Variants in KNL1 observed in about 807,000 individuals in gnomAD.
KNL1 encodes the protein kinetochore scaffold 1.
KNL1 carries 66 observed loss-of-function variants against 201.3 expected under a neutral mutation model. The observed-to-expected ratio is 0.33, with a 90% confidence interval of 0.27 to 0.40. The LOEUF is 0.40. Among genes scored for constraint, KNL1 ranks in the 10% least tolerant of loss-of-function variants. The pLI is 1.00. For synonymous variants in KNL1, 895 were observed against 899.2 expected (o/e 1.00, Z 0.08); for missense variants, 2,815 against 2,690.5 (o/e 1.05, Z -1.02).
intron 7 of KNL1, among the ~76,000 whole-genome samples, chr15:40,614,512 C>T (rs544519420): frequency 1.8e-4 from 27 of 152,220 alleles, no homozygotes; most frequent in African/African-American, 5.5e-4. Flanking sequence ...GGATTACAGA[C>T]GTGAGCCACC....
At position 40,623,049 on chromosome 15, in the gene KNL1, G is replaced by T. The variant is rs1410214960; in HGVS notation, c.2785G>T (p.Val929Phe). 2 of 1,613,492 alleles carry T rather than the reference G, an allele frequency of 1.2e-6. No homozygotes were observed. Among genetic ancestry groups the T allele is most frequent in the East Asian group, 4.5e-5 (2 of 44,840 alleles). The change falls in exon 10 of 26, where the codon GTC (valine) becomes TTC (phenylalanine). Residue 929 changes from valine to phenylalanine, a missense_variant. Physicochemically the swap from Val to Phe is conservative, Grantham distance 50. Coordinates refer to ENST00000399668, the MANE Select transcript of KNL1 (RefSeq NM_144508.5). ...CACAACTGCCTTAGAATGTAAAACT[G>T]TCTCACCAGATGAAATAACTACTAG... Reference protein sequence around the residue: ...SHTTALECKTVSPDEITTRPM... With the variant: ...SHTTALECKTFSPDEITTRPM...
intron 2 of KNL1, among the ~76,000 whole-genome samples, chr15:40,604,551 A>G (rs769919844): frequency 8.5e-5 from 13 of 152,168 alleles, no homozygotes; most frequent in Non-Finnish European, 1.9e-4. Context: ...ATTAGTTGCC[A>G]AAATTTTAAA....
intron 21 of KNL1, among the ~76,000 whole-genome samples, chr15:40,652,424 A>G (rs967774482): frequency 1.3e-5 from 2 of 151,186 alleles, no homozygotes; most frequent in Non-Finnish European, 2.9e-5. Flanking sequence ...CGTGATAGAG[A>G]ATAGAGAATT....
At position 40,662,865 on chromosome 15, in the gene KNL1, C is replaced by G. The variant is rs991681454; in HGVS notation, c.*677C>G. On this transcript the variant is annotated 3_prime_UTR_variant, in exon 26 of 26. Transcript: ENST00000399668. ...GTCCCAGCTACTTAGGAGCTTAAGGCAGGAGGATCACTTGAGCCCAGGAGG... is the reference window on the plus strand; with the variant it reads ...GTCCCAGCTACTTAGGAGCTTAAGGGAGGAGGATCACTTGAGCCCAGGAGG... 7 of 176,150 alleles carry G rather than the reference C, an allele frequency of 4.0e-5. No individual in the cohort carries two copies. The Admixed American group carries it at 4.5e-4, about 11-fold the overall frequency. The allele number at this position is 176,150 out of a possible 1,614,324, so 10.9% of individuals were successfully genotyped here. A position where few individuals can be genotyped will look rare whatever the true frequency, so the allele number is the denominator to read the frequency against.
At chr15:40,629,471 CTTTTT>C in intron 13 of KNL1, 100 bp downstream of exon 13, 7 of 190,748 alleles carry the variant, frequency 3.7e-5, no homozygotes, top group South Asian at 8.3e-5. Context: ...AGAGAGTTTT[CTTTTT>C]TTTTTTTTTT....
At chr15:40,651,190 GTTATC>G (rs1332810819) in intron 19 of KNL1, among the ~76,000 whole-genome samples, 1 of 149,534 alleles carries the variant, frequency 6.7e-6, no homozygotes, top group Non-Finnish European at 1.5e-5. Flanking sequence ...GTATTTAAAA[GTTATC>G]TTAACATGTG....
intron 1 of KNL1, among the ~76,000 whole-genome samples, chr15:40,597,000 CAAAAAAAAAA>C (rs35126045): frequency 3.3e-5 from 3 of 90,544 alleles, no homozygotes; most frequent in African/African-American, 8.5e-5. Flanking sequence ...AACTCCATCT[CAAAAAAAAAA>C]AAAAAAAAAA....
At chr15:40,639,032 A>T (rs1465057337) in intron 13 of KNL1, among the ~76,000 whole-genome samples, 2 of 151,440 alleles carry the variant, frequency 1.3e-5, no homozygotes, top group African/African-American at 4.9e-5. Flanking sequence ...AACTCAGGTG[A>T]TCCGCCTGCC....
At chr15:40,638,603 C>T (rs1407460537) in intron 13 of KNL1, among the ~76,000 whole-genome samples, 2 of 147,282 alleles carry the variant, frequency 1.4e-5, no homozygotes, top group Non-Finnish European at 3.0e-5. Context: ...GTGATTTTCT[C>T]GCCTCAGCCC....
intron 13 of KNL1, among the ~76,000 whole-genome samples, chr15:40,638,188 AAAAG>A (rs932151703): frequency 6.2e-5 from 9 of 144,638 alleles, no homozygotes; most frequent in African/African-American, 1.3e-4. Context: ...ACTCTATCTC[AAAAG>A]AAAGAAAGAG....
At chr15:40,651,056 A>C (rs1409274770) in intron 19 of KNL1, among the ~76,000 whole-genome samples, 2 of 151,954 alleles carry the variant, frequency 1.3e-5, no homozygotes, top group Non-Finnish European at 2.9e-5. Context: ...TCTAACAACT[A>C]AACGAAACCA....
chr15:40,596,688 G>A (rs1891629344), intron 1 of KNL1, among the ~76,000 whole-genome samples: 1 of 151,620 alleles, frequency 6.6e-6, no homozygotes. Flanking sequence ...CTCATTTCCT[G>A]TAGTACTTTA....
Position 40,624,540 on chromosome 15 carries a change from C to T in KNL1, c.4276C>T (p.Pro1426Ser), listed in dbSNP as rs765571447. 6.2e-7 allele frequency: 1 copy of T among 1,613,660 alleles called. No homozygotes were observed. The highest frequency in any genetic ancestry group is 1.3e-5 in the African/African-American group (1 of 74,864). The change falls in exon 10 of 26, where the codon CCA becomes TCA. Residue 1426 changes from proline (P) to serine (S), a missense_variant. This residue lies in a region of KNL1 where 2,464 missense variants were observed against 2,291.7 expected (regional missense o/e 1.08). Transcript: ENST00000399668. ...TTCAAAGCGAGTATCTTTTAAGCTTCCAAAGGATCAAATGAAAGTCTATGT... is the reference window on the plus strand; with the variant it reads ...TTCAAAGCGAGTATCTTTTAAGCTTTCAAAGGATCAAATGAAAGTCTATGT... Reference protein sequence around the residue: ...LNSKRVSFKLPKDQMKVYVDD... With the variant: ...LNSKRVSFKLSKDQMKVYVDD...
intron 13 of KNL1, among the ~76,000 whole-genome samples, chr15:40,638,020 A>C (rs545988775): frequency 6.6e-6 from 1 of 151,982 alleles, no homozygotes; most frequent in South Asian, 2.1e-4. Flanking sequence ...TCTACTAAAA[A>C]TACAAAAAAA....
In KNL1 at chr15:40,625,287, C is replaced by G; in HGVS notation, c.5023C>G (p.Pro1675Ala). 6.2e-7 allele frequency: 1 copy of G among 1,614,026 alleles called. No homozygotes were observed. Among genetic ancestry groups the G allele is most frequent in the Admixed American group, 1.7e-5 (1 of 60,016 alleles). The change falls in exon 10 of 26, where the codon CCA becomes GCA. Residue 1675 changes from proline (P) to alanine (A), a missense_variant. Coordinates refer to ENST00000399668, the MANE Select transcript of KNL1 (RefSeq NM_144508.5). ...VTGIDDLEQI[P>A]ADTTDINHLE... is the part of the protein sequence containing the mutation. ...TGGTATTGATGACCTGGAACAGATTCCAGCAGACACAACTGATATAAATCA... is the reference window on the plus strand; with the variant it reads ...TGGTATTGATGACCTGGAACAGATTGCAGCAGACACAACTGATATAAATCA...
intron 1 of KNL1, among the ~76,000 whole-genome samples, chr15:40,597,777 A>C (rs1338049770): frequency 6.6e-6 from 1 of 152,260 alleles, no homozygotes; most frequent in African/African-American, 2.4e-5. Flanking sequence ...CAGATTGGAC[A>C]GGAATTATGC....
intron 14 of KNL1, among the ~76,000 whole-genome samples, chr15:40,642,110 G>A (rs1199572934): frequency 6.6e-6 from 1 of 152,188 alleles, no homozygotes; most frequent in Non-Finnish European, 1.5e-5. Flanking sequence ...AAAGAATTAT[G>A]TAGTTTTGGC....
chr15:40,647,566 C>T (rs1209096547), intron 17 of KNL1, among the ~76,000 whole-genome samples: 1 of 152,046 alleles, frequency 6.6e-6, no homozygotes, highest in Non-Finnish European at 1.5e-5. Context: ...AAGAGCTGCT[C>T]AAGATAACCC....
chr15:40,609,048 T>G, intron 5 of KNL1, 140 bp downstream of exon 5: 1 of 590,314 alleles, frequency 1.7e-6, no homozygotes, highest in Admixed American at 2.9e-5. Flanking sequence ...GTATTATGTT[T>G]AAAAGAGAAA....
Sources: gnomAD v4.1 joint callset for allele counts (sites outside exome capture counted in the v4.1 genomes callset) on GRCh38, gnomAD v4.1.1 for gene constraint, gnomAD v4.1.1 regional missense constraint, MANE v1.5 for transcripts, NCBI Gene and HGNC (gene_info 2026-07-23, HGNC 2026-07-21) for gene names.